TP53BP1: variants seen among roughly 807,000 people sequenced by gnomAD.
TP53BP1 encodes the protein tumor protein p53 binding protein 1, also known as TP53-binding protein 1.
Under a neutral mutation model 200.8 loss-of-function variants are expected in TP53BP1, and 61 were observed. That is an observed-to-expected ratio of 0.30 (90% CI 0.25 to 0.38). TP53BP1 has a LOEUF of 0.38. Ranked by LOEUF, TP53BP1 falls within the 10% of genes least tolerant of loss-of-function variation. TP53BP1 has a pLI of 1.00. For missense variants in TP53BP1, 2,144 were observed against 2,371.9 expected (o/e 0.90, Z 2.00); for synonymous variants, 822 against 844.3 (o/e 0.97, Z 0.46).
chr15:43,441,262 A>G, intron 15 of TP53BP1: 1 of 325,984 alleles, frequency 3.1e-6, no homozygotes, highest in South Asian at 6.4e-5. Flanking sequence ...TCAGCAACAG[A>G]AAAAAGGGGG....
chr15:43,477,716 T>C lies in TP53BP1; in HGVS notation c.832A>G (p.Met278Val), dbSNP rs376508339. 58 of 1,612,616 alleles carry C rather than the reference T, an allele frequency of 3.6e-5. No individual in the cohort carries two copies. The highest frequency in any genetic ancestry group is 5.0e-5 in the Admixed American group (3 of 59,562). Residue 278 changes from methionine to valine, a missense_variant, in exon 8 of 28, where the codon ATG becomes GTG. By Grantham distance (21) the Met-to-Val change is conservative. Coordinates refer to ENST00000382044, the MANE Select transcript of TP53BP1 (RefSeq NM_001141980.3). ...GCAGACAACTGTTCTTTTGCTTCCA[T>C]AGCAGCAACAGATGCTTTGGGGCTA... is the stretch of plus-strand genomic sequence containing the variant. ...PFSPKASVAA[M>V]EAKEQLSAQE...
intron 21 of TP53BP1, among the ~76,000 whole-genome samples, chr15:43,419,038 G>A (rs2045330993): frequency 6.6e-6 from 1 of 152,132 alleles, no homozygotes; most frequent in Non-Finnish European, 1.5e-5. Context: ...TGGCCAATAT[G>A]GCGAAATGCC....
At chr15:43,408,488 T>G (rs1311152847) in intron 26 of TP53BP1, 1 of 262,570 alleles carries the variant, frequency 3.8e-6, no homozygotes, top group African/African-American at 2.2e-5. Flanking sequence ...CTTAAAAAAC[T>G]AAGCCCTATA....
At chr15:43,506,253 T>G (rs1261813789) in intron 1 of TP53BP1, among the ~76,000 whole-genome samples, 1 of 152,182 alleles carries the variant, frequency 6.6e-6, no homozygotes, top group African/African-American at 2.4e-5. Context: ...GGGGACAACT[T>G]TAATACTTTA....
chr15:43,434,459 A>G (rs2045744303), intron 16 of TP53BP1, among the ~76,000 whole-genome samples: 1 of 152,186 alleles, frequency 6.6e-6, no homozygotes, highest in Non-Finnish European at 1.5e-5. Context: ...ATCCTAAACA[A>G]GCTTATAAAT....
At chr15:43,434,955 CT>C (rs2045756918) in intron 16 of TP53BP1, among the ~76,000 whole-genome samples, 1 of 152,100 alleles carries the variant, frequency 6.6e-6, no homozygotes, top group South Asian at 2.1e-4. Flanking sequence ...GACTTAGAAA[CT>C]GATGCTAAGA....
rs977227575 is a variant in TP53BP1 at position 43,404,187 on chromosome 15, T to C, written c.*3196A>G. Reference sequence around the variant, plus strand: ...CAAAATACATTAACTGGAAACCAGCTACTAAATTCCTACTGATGAAAGAGT... The same window carrying C: ...CAAAATACATTAACTGGAAACCAGCCACTAAATTCCTACTGATGAAAGAGT... On this transcript the variant is annotated 3_prime_UTR_variant, in exon 28 of 28. Transcript: ENST00000382044. 9 of 555,814 alleles carry C rather than the reference T, an allele frequency of 1.6e-5. No individual in the cohort carries two copies. The highest frequency in any genetic ancestry group is 2.5e-5 in the Non-Finnish European group (8 of 317,948). The allele number at this position is 555,814 out of a possible 1,614,324, so 34.4% of individuals were successfully genotyped here. A position where few individuals can be genotyped will look rare whatever the true frequency, so the allele number is the denominator to read the frequency against.
Position 43,404,125 on chromosome 15 carries a change from G to C in TP53BP1, c.*3258C>G. The C allele has an allele frequency of 1.2e-5, 6 of 510,366 alleles. No homozygotes were observed. The highest frequency in any genetic ancestry group is 2.1e-5 in the Non-Finnish European group (6 of 286,802). The allele number at this position is 510,366 out of a possible 1,614,324, so 31.6% of individuals were successfully genotyped here. On this transcript the variant is annotated 3_prime_UTR_variant, in exon 28 of 28. Transcript: ENST00000382044. ...ATCTCACTGAGATAATTATCTGCTT[G>C]TAATCAAAACGGGTTCTCCCCAACC... is the stretch of plus-strand genomic sequence containing the variant.
upstream of TP53BP1, chr15:43,497,418 T>C: frequency 1.0e-6 from 1 of 985,428 alleles, no homozygotes; most frequent in Non-Finnish European, 1.2e-6. Context: ...CTTTGACGTC[T>C]GTAGTGTCTG....
chr15:43,494,943 C>G (rs1019434339), upstream of TP53BP1, among the ~76,000 whole-genome samples: 4 of 152,150 alleles, frequency 2.6e-5, no homozygotes, highest in African/African-American at 9.7e-5. Context: ...AATCCCAGCA[C>G]TTTGGGAGGC....
intron 21 of TP53BP1, among the ~76,000 whole-genome samples, chr15:43,419,660 C>T (rs1462234761): frequency 6.8e-6 from 1 of 147,540 alleles, no homozygotes; most frequent in Non-Finnish European, 1.5e-5. Context: ...GAATTACAGG[C>T]ATGAGCTACC....
At chr15:43,486,413 G>A (rs1415592137) in intron 4 of TP53BP1, among the ~76,000 whole-genome samples, 1 of 152,146 alleles carries the variant, frequency 6.6e-6, no homozygotes, top group African/African-American at 2.4e-5. Flanking sequence ...TTGGGAGGGT[G>A]TTGCTGAGTT....
intron 8 of TP53BP1, among the ~76,000 whole-genome samples, chr15:43,476,886 A>C (rs1374485544): frequency 1.3e-5 from 2 of 152,210 alleles, no homozygotes; most frequent in Non-Finnish European, 2.9e-5. Context: ...CTAGATTTTA[A>C]ATTCCTATCT....
At chr15:43,477,125 C>T (rs771084590) in intron 8 of TP53BP1, among the ~76,000 whole-genome samples, 7 of 151,892 alleles carry the variant, frequency 4.6e-5, no homozygotes, top group East Asian at 1.9e-4. Context: ...ACAGTGAAAC[C>T]CCATCTCTAC....
At chr15:43,460,518 C>T (rs987510762) in intron 11 of TP53BP1, among the ~76,000 whole-genome samples, 2 of 152,122 alleles carry the variant, frequency 1.3e-5, no homozygotes, top group African/African-American at 4.8e-5. Flanking sequence ...CTTAGCCTCC[C>T]AAACTGCTAG....
intron 18 of TP53BP1, among the ~76,000 whole-genome samples, chr15:43,426,479 T>C (rs1414743681): frequency 6.9e-6 from 1 of 145,148 alleles, no homozygotes; most frequent in African/African-American, 2.5e-5. Context: ...AAACAATTAC[T>C]CAATGAGTGT....
chr15:43,471,156 C>G (rs2046715046), intron 10 of TP53BP1, among the ~76,000 whole-genome samples: 1 of 151,754 alleles, frequency 6.6e-6, no homozygotes, highest in South Asian at 2.1e-4. Flanking sequence ...TTCACAAACA[C>G]TGATGTACAT....
intron 10 of TP53BP1, among the ~76,000 whole-genome samples, chr15:43,471,442 T>C (rs998382058): frequency 6.6e-6 from 1 of 152,152 alleles, no homozygotes; most frequent in Non-Finnish European, 1.5e-5. Flanking sequence ...CTTTTTTTTT[T>C]TTGAGACAGG....
rs1566911156 is a variant in TP53BP1, at chr15:43,408,053, A to G, written c.5636T>C (p.Val1879Ala). 1 of 1,614,188 alleles carries G rather than the reference A, an allele frequency of 6.2e-7. No homozygotes were observed. The highest frequency in any genetic ancestry group is 8.5e-7 in the Non-Finnish European group (1 of 1,180,010). The change falls in exon 27 of 28, where the codon GTA becomes GCA. Residue 1879 changes from valine (V) to alanine (A), a missense_variant. Around this residue, in one of 4 missense-constraint regions of TP53BP1, gnomAD observed 334 missense variants for 453.4 expected, o/e 0.74. Transcript: ENST00000382044. The stretch of plus-strand genomic sequence containing the variant: ...CTGCTGTTGGTCTGATACCAAGAGT[A>G]CCTTCAGATTCTGGAAAGGATTTTC... ...PRENPFQNLK[V>A]LLVSDQQQNF...
Sources: gnomAD v4.1 joint callset for allele counts (sites outside exome capture counted in the v4.1 genomes callset) on GRCh38, gnomAD v4.1.1 for gene constraint, gnomAD v4.1.1 regional missense constraint, MANE v1.5 for transcripts, NCBI Gene and HGNC (gene_info 2026-07-23, HGNC 2026-07-21) for gene names.